The following PPM1H variants were observed in gnomAD, a reference collection of about 807,000 sequenced individuals.
PPM1H encodes protein phosphatase 1H.
In PPM1H, 27 loss-of-function variants were observed where a neutral mutation model predicts 54.9. That is an observed-to-expected ratio of 0.49 (90% CI 0.36 to 0.68). The LOEUF (loss-of-function observed/expected upper bound fraction) is 0.68. Ranked by LOEUF, PPM1H falls within the 30% of genes least tolerant of loss-of-function variation. PPM1H has a pLI of 0.00. For missense variants in PPM1H, 596 were observed against 667.8 expected (o/e 0.89, Z 1.19); for synonymous variants, 305 against 270.8 (o/e 1.13, Z -1.24).
At chr12:62,839,690 A>G (rs564632353) in intron 1 of PPM1H, among the ~76,000 whole-genome samples, 1 of 151,770 alleles carries the variant, frequency 6.6e-6, no homozygotes, top group East Asian at 1.9e-4. Context: ...CAAGATGGCA[A>G]GGAGATGGTT....
intron 1 of PPM1H, among the ~76,000 whole-genome samples, chr12:62,890,269 TG>T (rs1870737151): frequency 6.6e-6 from 1 of 152,154 alleles, no homozygotes; most frequent in South Asian, 2.1e-4. Context: ...GAGACCAGCC[TG>T]GGCAACATTG....
At chr12:62,884,501 C>CAAAAAAAAAAAAAA (rs6144736) in intron 1 of PPM1H, among the ~76,000 whole-genome samples, 3 of 89,974 alleles carry the variant, frequency 3.3e-5, no homozygotes, top group African/African-American at 7.9e-5. Flanking sequence ...AACTCCATAT[C>CAAAAAAAAAAAAAA]AAAAAAAAAA....
intron 4 of PPM1H, among the ~76,000 whole-genome samples, chr12:62,774,164 C>T (rs1280565207): frequency 6.6e-6 from 1 of 152,124 alleles, no homozygotes; most frequent in African/African-American, 2.4e-5. Flanking sequence ...TTAGTAAGAT[C>T]CTGTTAACTC....
chr12:62,909,987 G>C (rs812814), intron 1 of PPM1H, among the ~76,000 whole-genome samples: 50,175 of 152,042 alleles, frequency 0.33, 9,890 homozygotes, highest in Non-Finnish European at 0.45. Context: ...TAATTGCAGA[G>C]AGGTGGTAAT....
intron 4 of PPM1H, among the ~76,000 whole-genome samples, chr12:62,765,978 G>T (rs565455092): frequency 6.6e-6 from 1 of 152,282 alleles, no homozygotes; most frequent in South Asian, 2.1e-4. Context: ...ATCACTGAAG[G>T]GCTTTCAACA....
At chr12:62,801,753 A>G in intron 3 of PPM1H, 63 bp downstream of exon 3, 2 of 1,561,824 alleles carry the variant, frequency 1.3e-6, no homozygotes, top group Non-Finnish European at 1.7e-6. Context: ...TCCAGGAAGG[A>G]CGGACAGACC....
chr12:62,685,286 T>C (rs1303046329), intron 8 of PPM1H, among the ~76,000 whole-genome samples: 1 of 152,176 alleles, frequency 6.6e-6, no homozygotes, highest in Admixed American at 6.5e-5. Context: ...AGTATTTCTC[T>C]GGGAAACTCT....
chr12:62,678,187 A>G (rs768630823), intron 8 of PPM1H, among the ~76,000 whole-genome samples: 1 of 152,124 alleles, frequency 6.6e-6, no homozygotes, highest in African/African-American at 2.4e-5. Flanking sequence ...GCTCAAGCCA[A>G]CCTCCTGCCT....
intron 8 of PPM1H, among the ~76,000 whole-genome samples, chr12:62,683,721 C>G (rs181948369): frequency 5.3e-5 from 8 of 152,256 alleles, no homozygotes; most frequent in South Asian, 4.1e-4. Flanking sequence ...GAGCTGGCTC[C>G]GCAAACTGGC....
chr12:62,802,810 C>T (rs1350806785), intron 2 of PPM1H, among the ~76,000 whole-genome samples: 3 of 152,132 alleles, frequency 2.0e-5, no homozygotes, highest in Non-Finnish European at 2.9e-5. Flanking sequence ...TCTCAAACTC[C>T]TGGCCTCAAG....
intron 5 of PPM1H, among the ~76,000 whole-genome samples, chr12:62,732,553 C>A (rs575821875): frequency 2.0e-4 from 30 of 151,718 alleles, no homozygotes; most frequent in Non-Finnish European, 3.5e-4. Context: ...GCTAGGGACC[C>A]AGAAGTTTTT....
intron 5 of PPM1H, among the ~76,000 whole-genome samples, chr12:62,732,386 T>G (rs765946281): frequency 1.3e-5 from 2 of 152,166 alleles, no homozygotes; most frequent in Non-Finnish European, 2.9e-5. Context: ...ATGTCCAGAC[T>G]GTGCATACCA....
chr12:62,723,008 T>C (rs2076271993), intron 5 of PPM1H, among the ~76,000 whole-genome samples: 1 of 152,168 alleles, frequency 6.6e-6, no homozygotes, highest in Admixed American at 6.5e-5. Flanking sequence ...ATGCATCTCA[T>C]ACAACTAGCC....
intron 3 of PPM1H, among the ~76,000 whole-genome samples, chr12:62,793,646 C>T (rs1374591540): frequency 6.6e-6 from 1 of 150,934 alleles, no homozygotes; most frequent in African/African-American, 2.4e-5. Flanking sequence ...ATTGCTTGAA[C>T]CCGGGAGGTG....
intron 2 of PPM1H, among the ~76,000 whole-genome samples, chr12:62,819,255 G>C (rs147437791): frequency 7.4e-5 from 11 of 148,672 alleles, no homozygotes; most frequent in Non-Finnish European, 1.3e-4. Flanking sequence ...TCAGCCTCCC[G>C]AGTAACTGGC....
At chr12:62,740,434 C>T (rs1409328379) in intron 4 of PPM1H, among the ~76,000 whole-genome samples, 6 of 152,158 alleles carry the variant, frequency 3.9e-5, no homozygotes, top group Non-Finnish European at 7.4e-5. Context: ...CCAACTTCTC[C>T]GTCCCTTCTT....
At chr12:62,754,283 G>A (rs2076457819) in intron 4 of PPM1H, among the ~76,000 whole-genome samples, 1 of 152,170 alleles carries the variant, frequency 6.6e-6, no homozygotes, top group Non-Finnish European at 1.5e-5. Flanking sequence ...GTCTTGATAA[G>A]ATTCTAGAGT....
At chr12:62,899,924 G>T (rs1871106206) in intron 1 of PPM1H, among the ~76,000 whole-genome samples, 1 of 152,136 alleles carries the variant, frequency 6.6e-6, no homozygotes, top group Admixed American at 6.5e-5. Context: ...CACAAATGGG[G>T]TTACTGCCCT....
At chr12:62,692,369 C>T (rs1226115153) in intron 7 of PPM1H, among the ~76,000 whole-genome samples, 1 of 152,200 alleles carries the variant, frequency 6.6e-6, no homozygotes, top group East Asian at 1.9e-4. Flanking sequence ...GAACTTTATA[C>T]TAAAATTAGA....
Sources: gnomAD v4.1 joint callset for allele counts (sites outside exome capture counted in the v4.1 genomes callset) on GRCh38, gnomAD v4.1.1 for gene constraint, MANE v1.5 for transcripts, NCBI Gene and HGNC (gene_info 2026-07-23, HGNC 2026-07-21) for gene names.